The following AKAP13 variants were observed in gnomAD, a reference collection of about 807,000 sequenced individuals.
AKAP13 encodes the protein A-kinase anchor protein 13.
AKAP13 carries 80 observed loss-of-function variants against 264.5 expected under a neutral mutation model. The observed-to-expected ratio is 0.30, with a 90% CI of 0.25 to 0.36. The LOEUF (loss-of-function observed/expected upper bound fraction) is 0.36, where lower values mean the gene tolerates loss of function less well. Among genes scored for constraint, AKAP13 ranks in the 10% least tolerant of loss-of-function variants. The probability of loss-of-function intolerance (pLI) is 1.00; values close to 1 mark genes in which losing one functional copy is unlikely to be tolerated. For synonymous variants in AKAP13, 1,380 were observed against 1,250.2 expected (o/e 1.10, Z -2.19); for missense variants, 3,712 against 3,435.2 (o/e 1.08, Z -2.01).
chr15:85,574,470 A>G (rs2078941272), intron 5 of AKAP13, among the ~76,000 whole-genome samples: 5 of 152,216 alleles, frequency 3.3e-5, no homozygotes, highest in Admixed American at 3.3e-4. Flanking sequence ...ATTTGTTTAT[A>G]ATGATATGAG....
intron 33 of AKAP13, 148 bp downstream of exon 33, chr15:85,736,282 G>A: frequency 1.5e-6 from 1 of 660,802 alleles, no homozygotes; most frequent in Non-Finnish European, 2.5e-6. Flanking sequence ...CAATACAGTT[G>A]TCAGTTTCCT....
At chr15:85,739,674 C>A (rs2088813366) in intron 33 of AKAP13, among the ~76,000 whole-genome samples, 1 of 151,410 alleles carries the variant, frequency 6.6e-6, no homozygotes, top group African/African-American at 2.4e-5. Flanking sequence ...CCTTCCAGCT[C>A]TTTTTTTTTC....
intron 30 of AKAP13, among the ~76,000 whole-genome samples, chr15:85,731,888 G>T (rs755059576): frequency 6.6e-6 from 1 of 152,024 alleles, no homozygotes; most frequent in Non-Finnish European, 1.5e-5. Context: ...TTCAAGACCA[G>T]CGTGGCCCAC....
chr15:85,743,888 AT>A, intron 36 of AKAP13, 63 bp downstream of exon 36: 2 of 1,525,512 alleles, frequency 1.3e-6, no homozygotes, highest in Non-Finnish European at 1.8e-6. Context: ...GAGAGGGTAG[AT>A]TTTAGTGGCA....
At chr15:85,743,988 G>T in intron 36 of AKAP13, 163 bp downstream of exon 36, 1 of 792,274 alleles carries the variant, frequency 1.3e-6, no homozygotes, top group East Asian at 2.7e-5. Flanking sequence ...GAGCACTCAT[G>T]CAGCGAACAT....
chr15:85,477,126 C>T (rs1381558829), intron 1 of AKAP13, among the ~76,000 whole-genome samples: 4 of 152,052 alleles, frequency 2.6e-5, no homozygotes, highest in Non-Finnish European at 5.9e-5. Flanking sequence ...AAAGTAAAGG[C>T]ACTGGTATCC....
At chr15:85,387,976 T>C (rs1242798145) in intron 1 of AKAP13, among the ~76,000 whole-genome samples, 1 of 152,146 alleles carries the variant, frequency 6.6e-6, no homozygotes, top group Non-Finnish European at 1.5e-5. Flanking sequence ...GCATAGACAT[T>C]ATTGTCATTG....
chr15:85,492,719 C>T (rs563970089), intron 2 of AKAP13, among the ~76,000 whole-genome samples: 2 of 152,218 alleles, frequency 1.3e-5, no homozygotes, highest in African/African-American at 4.8e-5. Flanking sequence ...CACCCTTTTC[C>T]TTTTTCAATC....
At chr15:85,643,853 T>A (rs1339225492) in intron 9 of AKAP13, among the ~76,000 whole-genome samples, 1 of 152,202 alleles carries the variant, frequency 6.6e-6, no homozygotes, top group Admixed American at 6.5e-5. Context: ...CGTGACCCCA[T>A]TACTACGTAC....
At chr15:85,623,167 T>G (rs2081268609) in intron 8 of AKAP13, among the ~76,000 whole-genome samples, 1 of 152,244 alleles carries the variant, frequency 6.6e-6, no homozygotes, top group Non-Finnish European at 1.5e-5. Context: ...ATGTGCACTT[T>G]CTCCACTTTT....
chr15:85,686,145 C>G (rs1178433813), intron 16 of AKAP13, among the ~76,000 whole-genome samples: 12 of 149,442 alleles, frequency 8.0e-5, no homozygotes, highest in Admixed American at 7.3e-4. Flanking sequence ...CAAGGAATCA[C>G]TGTGTGTGTG....
intron 3 of AKAP13, among the ~76,000 whole-genome samples, chr15:85,529,080 A>C (rs1318987567): frequency 6.6e-6 from 1 of 152,114 alleles, no homozygotes; most frequent in East Asian, 1.9e-4. Flanking sequence ...ATCAAATTGG[A>C]TACAGTTTCT....
At chr15:85,598,465 C>T (rs796403905) in intron 8 of AKAP13, among the ~76,000 whole-genome samples, 6 of 152,340 alleles carry the variant, frequency 3.9e-5, no homozygotes, top group South Asian at 2.1e-4. Context: ...AACATATGTC[C>T]ATGCACGAAT....
intron 1 of AKAP13, among the ~76,000 whole-genome samples, chr15:85,445,018 C>A (rs1421028991): frequency 6.6e-6 from 1 of 152,128 alleles, no homozygotes; most frequent in Non-Finnish European, 1.5e-5. Flanking sequence ...GTATATAATA[C>A]TTTAAATGAA....
At chr15:85,445,749 C>T (rs1410388473) in intron 1 of AKAP13, among the ~76,000 whole-genome samples, 2 of 152,098 alleles carry the variant, frequency 1.3e-5, no homozygotes, top group East Asian at 3.9e-4. Context: ...ACAGAGAGAG[C>T]TAAAAATTAT....
intron 1 of AKAP13, among the ~76,000 whole-genome samples, chr15:85,456,754 G>A (rs1475612466): frequency 6.6e-6 from 1 of 152,074 alleles, no homozygotes; most frequent in African/African-American, 2.4e-5. Flanking sequence ...GTTTCACCGT[G>A]TTAGCCAGGA....
chr15:85,610,931 A>G lies in AKAP13; in HGVS notation c.4161+25108A>G, dbSNP rs1013224767. ...GAGGCAGAGGTTGCAGTGAGTCGAC[A>G]TCGCGCCACTGCGCTCCAGCCTGGG... On this transcript the variant is annotated intron_variant, in intron 8 of 36. Coordinates refer to ENST00000394518, the MANE Select transcript of AKAP13 (RefSeq NM_007200.5). 3.9e-5 allele frequency among the ~76,000 whole-genome samples: 6 copies of G among 152,352 alleles called. No individual in the cohort carries two copies. The South Asian group carries it at 8.3e-4, about 21-fold the overall frequency.
rs2089200382 is a variant in AKAP13 at position 85,743,376 on chromosome 15, A to T, written c.8059-116A>T. ...CAGACGTGAGCTCTGTAGAGTTCGC[A>T]GAGGTGGGTAAGTACCCAGCCAGCA... On this transcript the variant is annotated intron_variant, in intron 35 of 36. Coordinates refer to ENST00000394518, the MANE Select transcript of AKAP13 (RefSeq NM_007200.5). 3 of 1,096,430 alleles carry T rather than the reference A, an allele frequency of 2.7e-6. No individual in the cohort carries two copies. In the South Asian group the frequency reaches 4.6e-5, roughly 17 times the overall value. The allele number at this position is 1,096,430 out of a possible 1,614,324, so 67.9% of individuals were successfully genotyped here. A position where few individuals can be genotyped will look rare whatever the true frequency, so the allele number is the denominator to read the frequency against.
intron 29 of AKAP13, 138 bp from the exon 30 acceptor site, chr15:85,730,369 TGAAAAA>T (rs2087915536): frequency 2.6e-6 from 2 of 756,386 alleles, no homozygotes; most frequent in South Asian, 3.6e-5. Flanking sequence ...GCTGTCTTGA[TGAAAAA>T]GAAAAGGCAG....
Sources: gnomAD v4.1 joint callset for allele counts (sites outside exome capture counted in the v4.1 genomes callset) on GRCh38, gnomAD v4.1.1 for gene constraint, MANE v1.5 for transcripts, NCBI Gene and HGNC (gene_info 2026-07-23, HGNC 2026-07-21) for gene names.